NREP: variants seen among roughly 807,000 people sequenced by gnomAD.
The protein encoded by NREP is neuronal regeneration-related protein.
A neutral mutation model predicts 8.6 loss-of-function variants in NREP; 5 were observed. The ratio of observed to expected loss-of-function variants is 0.58; its 90% CI spans 0.30 to 1.22. The LOEUF (loss-of-function observed/expected upper bound fraction) is 1.22. NREP is among the 50% of genes most tolerant of loss of function. NREP has a pLI of 0.07. For synonymous variants in NREP, 27 were observed against 28.0 expected (o/e 0.96, Z 0.11); for missense variants, 86 against 82.5 (o/e 1.04, Z -0.17).
At chr5:111,951,980 C>T (rs1756173045) in intron 2 of NREP, among the ~76,000 whole-genome samples, 1 of 152,072 alleles carries the variant, frequency 6.6e-6, no homozygotes, top group Non-Finnish European at 1.5e-5. Flanking sequence ...TTTCCAAACC[C>T]TATATCCTAT....
intron 1 of NREP, chr5:111,756,296 T>TTAA: frequency 8.4e-6 from 2 of 237,984 alleles, no homozygotes; most frequent in Non-Finnish European, 5.1e-6. Context: ...CTTCCGTGTT[T>TTAA]AAAAAAAAAA....
Position 111,975,258 on chromosome 5 carries a change from T to C in NREP, c.135+16A>G, listed in dbSNP as rs979959649. 4.6e-6 allele frequency: 7 copies of C among 1,524,620 alleles called. No homozygotes were observed. In the Admixed American group the frequency reaches 7.9e-5, roughly 17 times the overall value. 94.4% of individuals were successfully genotyped at this position (1,524,620 alleles called of 1,614,324 possible). On this transcript the variant is annotated intron_variant, in intron 2 of 3. Transcript: ENST00000395634. ...CTTAACAAACACGAGCAAATCAGGA[T>C]AGCAGTTTGTCTTACACAATTCAGA... is the stretch of plus-strand genomic sequence containing the variant.
chr5:111,957,827 C>A (rs1209973154), intron 2 of NREP, among the ~76,000 whole-genome samples: 1 of 151,760 alleles, frequency 6.6e-6, no homozygotes, highest in Non-Finnish European at 1.5e-5. Context: ...AATGTAAATA[C>A]ATTAGGGAAA....
chr5:111,880,175 CCT>C (rs907744044), intron 2 of NREP, among the ~76,000 whole-genome samples: 1 of 151,802 alleles, frequency 6.6e-6, no homozygotes, highest in Non-Finnish European at 1.5e-5. Context: ...TTTTTTTTCA[CCT>C]CTCTCTGTTT....
At chr5:111,919,287 A>G (rs1755156493) in intron 2 of NREP, among the ~76,000 whole-genome samples, 1 of 152,170 alleles carries the variant, frequency 6.6e-6, no homozygotes, top group Non-Finnish European at 1.5e-5. Flanking sequence ...AGTGTAAATT[A>G]GTTCAACCAT....
intron 2 of NREP, among the ~76,000 whole-genome samples, chr5:111,809,223 A>T (rs1402780173): frequency 6.6e-6 from 1 of 152,204 alleles, no homozygotes; most frequent in African/African-American, 2.4e-5. Flanking sequence ...ACCTTATTTT[A>T]GATTTATATG....
chr5:111,834,936 T>C (rs1752858207), intron 2 of NREP, among the ~76,000 whole-genome samples: 1 of 152,214 alleles, frequency 6.6e-6, no homozygotes, highest in Admixed American at 6.5e-5. Context: ...AACTGTCTAC[T>C]TTTCTTTGCA....
At chr5:111,943,069 C>T (rs1245233037) in intron 2 of NREP, among the ~76,000 whole-genome samples, 2 of 151,938 alleles carry the variant, frequency 1.3e-5, no homozygotes, top group East Asian at 3.9e-4. Flanking sequence ...CTGCTGTCTC[C>T]TGTAGTCCTC....
At chr5:111,891,938 C>T (rs533069004) in intron 2 of NREP, among the ~76,000 whole-genome samples, 1 of 152,210 alleles carries the variant, frequency 6.6e-6, no homozygotes, top group East Asian at 1.9e-4. Context: ...GACAAATATC[C>T]AAACTATATC....
At chr5:111,943,605 C>T (rs1392393812) in intron 2 of NREP, among the ~76,000 whole-genome samples, 1 of 152,078 alleles carries the variant, frequency 6.6e-6, no homozygotes, top group African/African-American at 2.4e-5. Context: ...CATGCTGAAG[C>T]TATGCCTCTT....
chr5:111,903,441 AC>A (rs1175346476), intron 2 of NREP, among the ~76,000 whole-genome samples: 2 of 152,046 alleles, frequency 1.3e-5, no homozygotes, highest in African/African-American at 2.4e-5. Context: ...AAAGAATTAA[AC>A]CGTTGGTAAT....
Position 111,854,215 on chromosome 5 carries a change from T to C in NREP, c.136-118708A>G, listed in dbSNP as rs143159239. On this transcript the variant is annotated intron_variant, in intron 2 of 3. Transcript: ENST00000395634. ...CATGATGAATTTGCATGTGGGAGAA[T>C]TGTCATAAAGTCTGTGAAAAATCTG... is the stretch of plus-strand genomic sequence containing the variant. Among the ~76,000 whole-genome samples, 237 of 152,276 alleles carry C rather than the reference T, an allele frequency of 1.6e-3. 1 individual carries two copies. The highest frequency in any genetic ancestry group is 5.4e-3 in the African/African-American group (226 of 41,576).
intron 2 of NREP, among the ~76,000 whole-genome samples, chr5:111,878,281 G>A (rs75998043): frequency 1.2e-4 from 18 of 152,136 alleles, no homozygotes; most frequent in African/African-American, 4.1e-4. Context: ...GAAGAACAGA[G>A]GTTTAATTGA....
rs375912014 is a variant in NREP, at chr5:111,919,710, C to T, written c.135+55564G>A. On this transcript the variant is annotated intron_variant, in intron 2 of 3. Transcript: ENST00000395634. ...ACACGGGGAAGGGAACATCACACAC[C>T]GGGGCCTGTCAGGGGTTGAGGGACT... Among the ~76,000 whole-genome samples, 149 of 151,912 alleles carry T rather than the reference C, an allele frequency of 9.8e-4. 3 individuals carry two copies. In the South Asian group the frequency reaches 0.022, roughly 23 times the overall value.
At chr5:111,825,479 A>C (rs1198105127) in intron 2 of NREP, among the ~76,000 whole-genome samples, 4 of 152,210 alleles carry the variant, frequency 2.6e-5, no homozygotes, top group African/African-American at 9.6e-5. Flanking sequence ...AGAATACACT[A>C]ACAAGCAGGG....
intron 2 of NREP, among the ~76,000 whole-genome samples, chr5:111,965,226 A>C (rs998084521): frequency 6.6e-6 from 1 of 152,178 alleles, no homozygotes; most frequent in Non-Finnish European, 1.5e-5. Flanking sequence ...AGACCCCAGC[A>C]AACATTCTCC....
intron 2 of NREP, among the ~76,000 whole-genome samples, chr5:111,935,380 A>G (rs1755654900): frequency 6.6e-6 from 1 of 152,052 alleles, no homozygotes; most frequent in Non-Finnish European, 1.5e-5. Context: ...GGCACAAAGA[A>G]ACAGGAAATC....
At chr5:111,893,910 T>C (rs924970477) in intron 2 of NREP, among the ~76,000 whole-genome samples, 10 of 151,794 alleles carry the variant, frequency 6.6e-5, no homozygotes, top group Non-Finnish European at 1.2e-4. Context: ...TTGTAAATAG[T>C]AGTAGTAATA....
chr5:111,970,040 T>C (rs1756765365), intron 2 of NREP, among the ~76,000 whole-genome samples: 1 of 152,234 alleles, frequency 6.6e-6, no homozygotes. Context: ...CTTTCCATTT[T>C]ATGCTTTGTA....
Sources: allele counts gnomAD v4.1 joint callset (sites outside exome capture counted in the v4.1 genomes callset), GRCh38; gene constraint gnomAD v4.1.1; transcripts MANE v1.5; gene names NCBI Gene and HGNC (gene_info 2026-07-23, HGNC 2026-07-21).